Variants in CALN1 observed in about 807,000 individuals in gnomAD.
CALN1 encodes the protein calneuron 1.
A neutral mutation model predicts 30.6 loss-of-function variants in CALN1; 17 were observed. That is an observed-to-expected ratio of 0.56 (90% CI 0.38 to 0.83). CALN1 has a LOEUF of 0.83. Ranked by LOEUF, CALN1 falls within the 40% of genes least tolerant of loss-of-function variation. The pLI is 0.00. For missense variants in CALN1, 291 were observed against 354.9 expected, an observed-to-expected ratio of 0.82 and a Z score of 1.45; for synonymous variants, 156 against 131.4, an observed-to-expected ratio of 1.19 and a Z score of -1.28.
intron 5 of CALN1, among the ~76,000 whole-genome samples, chr7:71,834,843 T>A (rs188149870): frequency 1.7e-3 from 260 of 152,284 alleles, no homozygotes; most frequent in Non-Finnish European, 2.8e-3. Context: ...AGCTTTTTCA[T>A]TTCTTTGAGA....
chr7:71,976,485 C>A (rs1798107206), intron 5 of CALN1, among the ~76,000 whole-genome samples: 2 of 152,210 alleles, frequency 1.3e-5, no homozygotes, highest in South Asian at 2.1e-4. Flanking sequence ...CCTCTACAGA[C>A]TCTTGCACGG....
At chr7:71,901,498 A>T (rs765323773) in intron 5 of CALN1, among the ~76,000 whole-genome samples, 2 of 152,158 alleles carry the variant, frequency 1.3e-5, no homozygotes, top group Non-Finnish European at 2.9e-5. Flanking sequence ...TGGAGGCATC[A>T]ACATTACCTA....
chr7:72,086,571 C>G (rs1805495947), intron 4 of CALN1, among the ~76,000 whole-genome samples: 2 of 142,816 alleles, frequency 1.4e-5, no homozygotes, highest in African/African-American at 2.5e-5. Flanking sequence ...GTAGCTGGGA[C>G]TACCGGCCCG....
chr7:72,231,478 G>T (rs2129550628), intron 3 of CALN1, among the ~76,000 whole-genome samples: 1 of 152,178 alleles, frequency 6.6e-6, no homozygotes. Flanking sequence ...CTTTTTTATG[G>T]CTTCATAGTA....
chr7:72,087,777 G>A lies in CALN1; in HGVS notation c.388+18374C>T, dbSNP rs908819316. 2.0e-5 allele frequency among the ~76,000 whole-genome samples: 3 copies of A among 152,104 alleles called. No homozygotes were observed. The East Asian group carries it at 5.8e-4, about 29-fold the overall frequency. ...AGCCCAGGATCTAAGCTGTGGATAA[G>A]GCTAGTAAGAGAGATTGAAATATGT... On this transcript the variant is annotated intron_variant, in intron 4 of 6. Coordinates refer to ENST00000395275, the MANE Select transcript of CALN1 (RefSeq NM_031468.4).
chr7:71,967,218 G>C, intron 5 of CALN1, among the ~76,000 whole-genome samples: 1 of 152,174 alleles, frequency 6.6e-6, no homozygotes, highest in South Asian at 2.1e-4. Context: ...AATAATGAAG[G>C]AGAGAAATAG....
In CALN1 at chr7:71,943,142, C is replaced by A. The variant is rs549687301; in HGVS notation, c.501+80515G>T. ...GCCAGGACCTCCTGAGGCTGTGTCACGGGTGCATCCTCAACCTTGGCAAAA... is the reference window on the plus strand; with the variant it reads ...GCCAGGACCTCCTGAGGCTGTGTCAAGGGTGCATCCTCAACCTTGGCAAAA... On this transcript the variant is annotated intron_variant, in intron 5 of 6. Transcript: ENST00000395275. 3.2e-4 allele frequency among the ~76,000 whole-genome samples: 48 copies of A among 151,942 alleles called. No individual in the cohort carries two copies. The East Asian group carries it at 9.1e-3, about 29-fold the overall frequency.
chr7:72,191,452 A>C (rs1033620520), intron 3 of CALN1, among the ~76,000 whole-genome samples: 4 of 148,758 alleles, frequency 2.7e-5, no homozygotes, highest in Non-Finnish European at 5.9e-5. Flanking sequence ...AAATACAAAA[A>C]TTAGCTGGGT....
chr7:72,210,064 C>T (rs1277508602), intron 3 of CALN1, among the ~76,000 whole-genome samples: 1 of 152,164 alleles, frequency 6.6e-6, no homozygotes. Context: ...CAGGCCCTTC[C>T]CAGGCTTCCC....
chr7:71,949,507 G>A (rs1584586428), intron 5 of CALN1, among the ~76,000 whole-genome samples: 1 of 152,004 alleles, frequency 6.6e-6, no homozygotes, highest in South Asian at 2.1e-4. Flanking sequence ...TCAGCCTCCT[G>A]AGTAGCTGGG....
chr7:72,462,883 T>C, the CALN1 span, among the ~76,000 whole-genome samples: 1 of 152,206 alleles, frequency 6.6e-6, no homozygotes, highest in Non-Finnish European at 1.5e-5. Flanking sequence ...GAAAGTCTTC[T>C]TCCCCTCTCT....
intron 5 of CALN1, among the ~76,000 whole-genome samples, chr7:72,011,579 G>A (rs968210012): frequency 3.3e-5 from 5 of 152,180 alleles, no homozygotes; most frequent in Non-Finnish European, 5.9e-5. Context: ...CAGCTTCCAT[G>A]CCTGTCTCGC....
chr7:72,080,976 C>T (rs1338135587), intron 4 of CALN1, among the ~76,000 whole-genome samples: 2 of 152,092 alleles, frequency 1.3e-5, no homozygotes, highest in African/African-American at 2.4e-5. Flanking sequence ...TTAAAGCTCC[C>T]TTCGCCTAAT....
chr7:72,141,491 G>C (rs529119900), intron 3 of CALN1, among the ~76,000 whole-genome samples: 2 of 151,890 alleles, frequency 1.3e-5, no homozygotes, highest in Non-Finnish European at 2.9e-5. Flanking sequence ...CCGACCCTTC[G>C]GCTAGGCCTA....
chr7:71,860,742 G>A (rs893483578), intron 5 of CALN1, among the ~76,000 whole-genome samples: 2 of 152,150 alleles, frequency 1.3e-5, no homozygotes, highest in Non-Finnish European at 2.9e-5. Context: ...ACCACTGCCA[G>A]GAGAGGTTGA....
At chr7:72,278,413 C>A (rs1243303727) in intron 3 of CALN1, among the ~76,000 whole-genome samples, 1 of 151,844 alleles carries the variant, frequency 6.6e-6, no homozygotes, top group African/African-American at 2.4e-5. Context: ...GCTATCCCCC[C>A]AGTCACTATC....
At chr7:71,998,514 G>A (rs192057749) in intron 5 of CALN1, among the ~76,000 whole-genome samples, 4 of 151,922 alleles carry the variant, frequency 2.6e-5, no homozygotes, top group South Asian at 2.1e-4. Context: ...GCAAAATGTC[G>A]ATACCAGTAA....
intron 1 of CALN1, among the ~76,000 whole-genome samples, chr7:72,422,361 T>C (rs1807641698): frequency 6.6e-6 from 1 of 152,240 alleles, no homozygotes; most frequent in Non-Finnish European, 1.5e-5. Flanking sequence ...GGTTTTGATT[T>C]GCATTTCCCC....
chr7:72,303,497 C>T (rs567679379), intron 2 of CALN1, among the ~76,000 whole-genome samples: 4 of 150,448 alleles, frequency 2.7e-5, no homozygotes, highest in South Asian at 2.1e-4. Flanking sequence ...GCAGAGGCTG[C>T]GGTGAGCCAA....
Sources: gnomAD v4.1 joint callset for allele counts (sites outside exome capture counted in the v4.1 genomes callset) on GRCh38, gnomAD v4.1.1 for gene constraint, MANE v1.5 for transcripts, NCBI Gene and HGNC (gene_info 2026-07-23, HGNC 2026-07-21) for gene names.